The following COPZ2 variants were observed in gnomAD, a reference collection of about 807,000 sequenced individuals.
The protein encoded by COPZ2 is coat protein complex I subunit zeta 2, also known as coatomer subunit zeta-2.
In COPZ2, 30 loss-of-function variants were observed where a neutral mutation model predicts 33.2. The ratio of observed to expected loss-of-function variants is 0.90; its 90% CI spans 0.68 to 1.23. The LOEUF (loss-of-function observed/expected upper bound fraction) is 1.23. Ranked by LOEUF, COPZ2 falls within the 50% of genes most tolerant of loss-of-function variation. The pLI is 0.00. For missense variants in COPZ2, 263 were observed against 262.4 expected (o/e 1.00, Z -0.02); for synonymous variants, 89 against 102.6 (o/e 0.87, Z 0.80).
intron 5 of COPZ2, 130 bp downstream of exon 5, chr17:48,032,556 C>T (rs2036909701): frequency 6.4e-6 from 5 of 781,244 alleles, no homozygotes; most frequent in East Asian, 2.7e-5. Flanking sequence ...TTCATTGTGT[C>T]GACTGTGAAC....
At chr17:48,031,637 A>G (rs2036896357) in intron 6 of COPZ2, 2 of 154,650 alleles carry the variant, frequency 1.3e-5, no homozygotes, top group South Asian at 4.0e-4. Context: ...GAGAACCACA[A>G]GCTTCACATG....
rs1567738380 is a variant in COPZ2, at chr17:48,026,317, C to G, written c.*111G>C. 2.3e-6 allele frequency: 2 copies of G among 853,746 alleles called. No individual in the cohort carries two copies. Among genetic ancestry groups the G allele is most frequent in the East Asian group, 5.1e-5 (2 of 39,310 alleles). The allele number at this position is 853,746 out of a possible 1,614,324, so 52.9% of individuals were successfully genotyped here. A position where few individuals can be genotyped will look rare whatever the true frequency, so the allele number is the denominator to read the frequency against. On this transcript the variant is annotated 3_prime_UTR_variant, in exon 9 of 9. Transcript: ENST00000621465. ...TGGCTGGAGACCTTAGGAGTCAGTTCTGGGAGGGACCTGGGGATACAGAGG... is the reference window on the plus strand; with the variant it reads ...TGGCTGGAGACCTTAGGAGTCAGTTGTGGGAGGGACCTGGGGATACAGAGG...
Position 48,032,676 on chromosome 17 carries a change from C to G in COPZ2, c.416+10G>C. ...GGATGGGGCCTCGGAGGGCAGAGAA[C>G]CTCACTCACCTTAACATGTGGTTCA... On this transcript the variant is annotated intron_variant, in intron 5 of 8. Coordinates refer to ENST00000621465, the MANE Select transcript of COPZ2 (RefSeq NM_016429.4). 1 of 1,582,518 alleles carries G rather than the reference C, an allele frequency of 6.3e-7. No individual in the cohort carries two copies.
In COPZ2 at chr17:48,026,206, C is replaced by G; in HGVS notation, c.*222G>C. On this transcript the variant is annotated 3_prime_UTR_variant, in exon 9 of 9. Transcript: ENST00000621465. ...AAGCAGGTTTATTAGGGCCCTGGGG[C>G]CAGGAATGCCTAAGATATGAGTTAA... The G allele has an allele frequency of 5.5e-6, 3 of 543,130 alleles. No individual in the cohort carries two copies. The highest frequency in any genetic ancestry group is 2.7e-5 in the South Asian group (1 of 37,188). The allele number at this position is 543,130 out of a possible 1,614,324, so 33.6% of individuals were successfully genotyped here. A position where few individuals can be genotyped will look rare whatever the true frequency, so the allele number is the denominator to read the frequency against.
intron 8 of COPZ2, among the ~76,000 whole-genome samples, chr17:48,027,508 C>T (rs755204678): frequency 2.0e-5 from 3 of 152,236 alleles, no homozygotes; most frequent in Non-Finnish European, 2.9e-5. Flanking sequence ...CTCCCATGAG[C>T]ACCTGTGTTC....
At chr17:48,033,757 GGAAA>G in intron 3 of COPZ2, 102 bp downstream of exon 3, 1 of 856,616 alleles carries the variant, frequency 1.2e-6, no homozygotes, top group Non-Finnish European at 1.9e-6. Context: ...CTGAAGAAAG[GGAAA>G]TGGCCTGTGG....
At chr17:48,040,392 A>C (rs1299553044), upstream of COPZ2, among the ~76,000 whole-genome samples, 1 of 148,166 alleles carries the variant, frequency 6.7e-6, no homozygotes, top group Non-Finnish European at 1.5e-5. Context: ...TGTCTTGTTC[A>C]CTGTGGAATC....
chr17:48,039,536 G>T (rs2037040901), upstream of COPZ2, among the ~76,000 whole-genome samples: 1 of 151,450 alleles, frequency 6.6e-6, no homozygotes. Flanking sequence ...AGGGGGAGGA[G>T]GGTGATCATG....
chr17:48,047,026 CAGA>C, the COPZ2 span: 1 of 150,386 alleles, frequency 6.6e-6, no homozygotes, highest in East Asian at 2.0e-4. Context: ...TAAACTAGCT[CAGA>C]AGTTTTTTTA....
intron 8 of COPZ2, among the ~76,000 whole-genome samples, chr17:48,027,966 C>T (rs1425546094): frequency 6.6e-6 from 1 of 152,206 alleles, no homozygotes; most frequent in Non-Finnish European, 1.5e-5. Context: ...CCAGGTCACT[C>T]AGGGGTAAGG....
intron 8 of COPZ2, 110 bp from the exon 9 acceptor site, chr17:48,026,585 G>C (rs2036820577): frequency 1.1e-5 from 8 of 732,212 alleles, no homozygotes; most frequent in Admixed American, 6.8e-5. Flanking sequence ...TGCAACCACC[G>C]GTCACTAGGT....
At chr17:48,044,966 A>T in the COPZ2 span, among the ~76,000 whole-genome samples, 1 of 151,650 alleles carries the variant, frequency 6.6e-6, no homozygotes, top group East Asian at 1.9e-4. Flanking sequence ...TCTTTTTATT[A>T]TTTTTTTTGA....
Position 48,033,219 on chromosome 17 carries a change from C to T in COPZ2, c.352G>A (p.Glu118Lys), listed in dbSNP as rs748531919. 7.5e-6 allele frequency: 12 copies of T among 1,607,508 alleles called. No homozygotes were observed. The highest frequency in any genetic ancestry group is 4.0e-5 in the African/African-American group (3 of 74,788). Residue 118 changes from glutamate (E) to lysine (K), a missense_variant, in exon 4 of 9, where the codon GAG becomes AAG. Physicochemically the swap from Glu to Lys is moderately conservative, Grantham distance 56 (BLOSUM62 1). Transcript: ENST00000621465. The part of the protein sequence containing the change: ...LFLYVVGSSY[E>K]NELMLMSVLT... Reference sequence around the variant, plus strand: ...CAACCTCCTGAATTCACCTCATTCTCGTAGGATGAGCCCACCACGTATAGG... The same window carrying T: ...CAACCTCCTGAATTCACCTCATTCTTGTAGGATGAGCCCACCACGTATAGG...
chr17:48,036,767 C>T, intron 2 of COPZ2, 84 bp downstream of exon 2: 3 of 1,330,480 alleles, frequency 2.3e-6, no homozygotes, highest in Non-Finnish European at 3.2e-6. Context: ...CCCTGAGTCA[C>T]AGAGATCACA....
At chr17:48,043,754 A>C in the COPZ2 span, among the ~76,000 whole-genome samples, 15 of 152,198 alleles carry the variant, frequency 9.9e-5, no homozygotes, top group Non-Finnish European at 2.2e-4. Context: ...GTACATTGTT[A>C]TCTCCATTTA....
At chr17:48,032,279 A>T (rs2036906255) in intron 5 of COPZ2, 46 bp from the exon 6 acceptor site, 6 of 1,542,190 alleles carry the variant, frequency 3.9e-6, no homozygotes, top group African/African-American at 1.4e-5. Flanking sequence ...GCTGGGAGGA[A>T]CTGAGTCCCT....
Position 48,028,561 on chromosome 17 carries a change from G to A in COPZ2, c.547-51C>T, listed in dbSNP as rs951333846. Reference sequence around the variant, plus strand: ...GGGGTAGGGCCAGCATGAGGGTCCTGGGTCAGGGAGGTGAAGGAAAGGGGC... The same window carrying A: ...GGGGTAGGGCCAGCATGAGGGTCCTAGGTCAGGGAGGTGAAGGAAAGGGGC... On this transcript the variant is annotated intron_variant, in intron 7 of 8. Transcript: ENST00000621465. The surrounding 1 kb of genome is among the most constrained non-coding windows in gnomAD (Gnocchi z 4.5). The A allele has an allele frequency of 5.7e-6, 9 of 1,573,044 alleles. No homozygotes were observed. The highest frequency in any genetic ancestry group is 3.7e-5 in the Admixed American group (2 of 54,640).
chr17:48,046,264 A>T, the COPZ2 span: 4 of 152,192 alleles, frequency 2.6e-5, no homozygotes, highest in African/African-American at 9.7e-5. Context: ...CCTTCTCAAA[A>T]TTGTCTTGTA....
intron 6 of COPZ2, among the ~76,000 whole-genome samples, chr17:48,030,385 C>A (rs1261266614): frequency 6.6e-6 from 1 of 151,854 alleles, no homozygotes; most frequent in Admixed American, 6.6e-5. Flanking sequence ...TAGCTTTTCT[C>A]AGAGAGCAGG....
Sources: allele counts gnomAD v4.1 joint callset (sites outside exome capture counted in the v4.1 genomes callset), GRCh38; gene constraint gnomAD v4.1.1; non-coding constraint Gnocchi (gnomAD v3.1); transcripts MANE v1.5; gene names NCBI Gene and HGNC (gene_info 2026-07-23, HGNC 2026-07-21).